Variants in TMTC2 observed in about 807,000 individuals in gnomAD.
The protein encoded by TMTC2 is protein O-mannosyl-transferase TMTC2.
In TMTC2, 43 loss-of-function variants were observed where a neutral mutation model predicts 82.4. The ratio of observed to expected loss-of-function variants is 0.52; its 90% CI spans 0.41 to 0.67. The LOEUF (loss-of-function observed/expected upper bound fraction) is 0.67. Among genes scored for constraint, TMTC2 ranks in the 30% least tolerant of loss-of-function variants. The pLI is 0.00. For synonymous variants in TMTC2, 408 were observed against 381.9 expected (o/e 1.07, Z -0.80); for missense variants, 919 against 1,012.4 (o/e 0.91, Z 1.25).
At chr12:82,711,874 G>A (rs1873636968) in intron 1 of TMTC2, among the ~76,000 whole-genome samples, 1 of 152,188 alleles carries the variant, frequency 6.6e-6, no homozygotes. Flanking sequence ...TAAAAGGAAA[G>A]GTTCACATTT....
At chr12:82,886,863 CT>C (rs1873124746) in intron 2 of TMTC2, among the ~76,000 whole-genome samples, 1 of 152,128 alleles carries the variant, frequency 6.6e-6, no homozygotes, top group Non-Finnish European at 1.5e-5. Flanking sequence ...CCATGCATTC[CT>C]TCTTGTCACA....
intron 11 of TMTC2, among the ~76,000 whole-genome samples, chr12:83,130,714 AAT>A (rs1347827414): frequency 6.6e-6 from 1 of 152,196 alleles, no homozygotes; most frequent in African/African-American, 2.4e-5. Flanking sequence ...AGATAAGGAA[AAT>A]TGATCGTGAT....
chr12:82,742,917 G>A (rs1875493953), intron 1 of TMTC2, among the ~76,000 whole-genome samples: 1 of 152,140 alleles, frequency 6.6e-6, no homozygotes. Context: ...ATTAACTCAA[G>A]TTTTTAGCCA....
intron 4 of TMTC2, among the ~76,000 whole-genome samples, chr12:82,931,585 A>C (rs1876033533): frequency 6.6e-6 from 1 of 152,198 alleles, no homozygotes; most frequent in African/African-American, 2.4e-5. Flanking sequence ...CAGAGAATGT[A>C]TAAACTCCCC....
intron 11 of TMTC2, 95 bp from the exon 12 acceptor site, chr12:83,132,115 G>A (rs1196672827): frequency 8.6e-6 from 12 of 1,399,902 alleles, no homozygotes; most frequent in Non-Finnish European, 1.1e-5. Context: ...TAGACATAAG[G>A]GAATTATTTG....
chr12:83,032,476 G>T (rs1233810445), intron 9 of TMTC2, among the ~76,000 whole-genome samples: 1 of 151,132 alleles, frequency 6.6e-6, no homozygotes, highest in Non-Finnish European at 1.5e-5. Context: ...TTTTTCCAGT[G>T]GTGATAGTAG....
intron 3 of TMTC2, among the ~76,000 whole-genome samples, chr12:82,925,424 A>G (rs906902090): frequency 1.3e-5 from 2 of 152,212 alleles, no homozygotes; most frequent in Non-Finnish European, 2.9e-5. Context: ...ATGAACAATC[A>G]ACCAAATAAG....
intron 3 of TMTC2, among the ~76,000 whole-genome samples, chr12:82,906,502 T>TA: frequency 6.6e-6 from 1 of 152,076 alleles, no homozygotes; most frequent in African/African-American, 2.4e-5. Context: ...CCATCTCTAC[T>TA]AAAAATACAA....
chr12:82,871,530 A>G (rs2137137164), intron 2 of TMTC2, among the ~76,000 whole-genome samples: 1 of 152,312 alleles, frequency 6.6e-6, no homozygotes, highest in Admixed American at 6.5e-5. Flanking sequence ...GCAGACATGT[A>G]TACAATAACT....
rs142064706 is a variant in TMTC2 at position 83,117,267 on chromosome 12, C to G, written c.2332-14943C>G. On this transcript the variant is annotated intron_variant, in intron 11 of 11. Coordinates refer to ENST00000321196, the MANE Select transcript of TMTC2 (RefSeq NM_152588.3). ...AAGAGGGAACCCTCCCTAATTCATT[C>G]TATAAAACCAGCATCACCCTAATAC... 9.9e-5 allele frequency among the ~76,000 whole-genome samples: 15 copies of G among 152,230 alleles called. No individual in the cohort carries two copies. In the East Asian group the frequency reaches 2.9e-3, roughly 29 times the overall value.
chr12:83,065,877 A>T (rs1320687944), intron 11 of TMTC2, among the ~76,000 whole-genome samples: 1 of 152,016 alleles, frequency 6.6e-6, no homozygotes, highest in African/African-American at 2.4e-5. Flanking sequence ...CTACAAAGTC[A>T]CCTGCTTTTA....
At chr12:83,065,776 C>T (rs1565875312) in intron 11 of TMTC2, among the ~76,000 whole-genome samples, 1 of 151,870 alleles carries the variant, frequency 6.6e-6, no homozygotes, top group East Asian at 1.9e-4. Flanking sequence ...AATGAAACTG[C>T]TTTGTTCTTC....
chr12:82,750,480 G>T (rs1179611026), intron 1 of TMTC2, among the ~76,000 whole-genome samples: 1 of 151,998 alleles, frequency 6.6e-6, no homozygotes, highest in East Asian at 1.9e-4. Context: ...AGTACCTCCA[G>T]GGGATAGAGA....
At chr12:83,040,874 CAG>C (rs755776959) in intron 9 of TMTC2, among the ~76,000 whole-genome samples, 22 of 152,016 alleles carry the variant, frequency 1.4e-4, no homozygotes, top group East Asian at 7.8e-4. Context: ...TTAGTAGAGA[CAG>C]GGGATCACCG....
chr12:82,752,405 G>A (rs1312652799), intron 1 of TMTC2, among the ~76,000 whole-genome samples: 1 of 152,042 alleles, frequency 6.6e-6, no homozygotes, highest in Non-Finnish European at 1.5e-5. Context: ...AGAATCACTT[G>A]AACTTGGGAG....
At chr12:82,695,266 G>A (rs149988972) in intron 1 of TMTC2, among the ~76,000 whole-genome samples, 1 of 152,264 alleles carries the variant, frequency 6.6e-6, no homozygotes, top group African/African-American at 2.4e-5. Flanking sequence ...AGTTTTTAAG[G>A]TGAATAATGC....
chr12:82,961,345 A>G (rs1285264447), intron 4 of TMTC2, among the ~76,000 whole-genome samples: 1 of 151,894 alleles, frequency 6.6e-6, no homozygotes, highest in Non-Finnish European at 1.5e-5. Context: ...ACAGTGCTAG[A>G]ATTGGCCCAA....
At chr12:83,003,491 A>G (rs7300355) in intron 8 of TMTC2, among the ~76,000 whole-genome samples, 30,013 of 152,038 alleles carry the variant, frequency 0.2, 3,153 homozygotes, top group Non-Finnish European at 0.21. Flanking sequence ...ACTTGATTGT[A>G]TAGTTGTTAT....
At position 82,775,316 on chromosome 12, in the gene TMTC2, G is replaced by C. The variant is rs576876838; in HGVS notation, c.84-81694G>C. On this transcript the variant is annotated intron_variant, in intron 1 of 11. Coordinates refer to ENST00000321196, the MANE Select transcript of TMTC2 (RefSeq NM_152588.3). ...ATTAAAAAAAATACCCAGGCATGGT[G>C]GTGTGTGCCTCTGGCCTCAGCTATT... Among the ~76,000 whole-genome samples, 5 of 152,084 alleles carry C rather than the reference G, an allele frequency of 3.3e-5. No individual in the cohort carries two copies. In the South Asian group the frequency reaches 1.0e-3, roughly 32 times the overall value.
Sources: allele counts gnomAD v4.1 joint callset (sites outside exome capture counted in the v4.1 genomes callset), GRCh38; gene constraint gnomAD v4.1.1; transcripts MANE v1.5; gene names NCBI Gene and HGNC (gene_info 2026-07-23, HGNC 2026-07-21).